The following ADAM2 variants were observed in gnomAD, a reference collection of about 807,000 sequenced individuals.
ADAM2 encodes the protein disintegrin and metalloproteinase domain-containing protein 2.
A neutral mutation model predicts 99.3 loss-of-function variants in ADAM2; 101 were observed. That is an observed-to-expected ratio of 1.02 (90% confidence interval 0.87 to 1.20). ADAM2 has a LOEUF of 1.20. Among genes scored for constraint, ADAM2 ranks in the 50% most tolerant of loss-of-function variants. The probability of loss-of-function intolerance (pLI) is 0.00; values close to 1 mark genes in which losing one functional copy is unlikely to be tolerated. For missense variants in ADAM2, 948 were observed against 878.7 expected, an observed-to-expected ratio of 1.08 and a Z score of -1.00; for synonymous variants, 323 against 287.6, an observed-to-expected ratio of 1.12 and a Z score of -1.25.
chr8:39,838,012 T>G (rs190335108), intron 1 of ADAM2, 119 bp downstream of exon 1: 3 of 1,104,426 alleles, frequency 2.7e-6, no homozygotes, highest in Non-Finnish European at 4.1e-6. Flanking sequence ...GAGCTTGGAA[T>G]TGCTGAGTTG....
rs373892733 is a variant in ADAM2 at position 39,820,898 on chromosome 8, T to C, written c.513+104A>G. 3.5e-4 allele frequency: 227 copies of C among 641,278 alleles called. 4 individuals are homozygous for C. The South Asian group carries it at 6.3e-3, about 18-fold the overall frequency. 39.7% of individuals were successfully genotyped at this position (641,278 alleles called of 1,614,324 possible). On this transcript the variant is annotated intron_variant, in intron 6 of 20. Transcript: ENST00000265708. ...GTATCCATACATGTGGCTATATGTT[T>C]TGGTGTTTATGGGTGTGTAAATATG...
At chr8:39,812,712 A>C (rs1804757280) in intron 6 of ADAM2, among the ~76,000 whole-genome samples, 2 of 152,220 alleles carry the variant, frequency 1.3e-5, no homozygotes, top group Admixed American at 1.3e-4. Flanking sequence ...AAAACTGGCT[A>C]GCCATATGTA....
At chr8:39,834,732 C>CAAAAAAAAAA (rs79431764) in intron 2 of ADAM2, among the ~76,000 whole-genome samples, 7 of 52,930 alleles carry the variant, frequency 1.3e-4, no homozygotes, top group African/African-American at 3.4e-4. Flanking sequence ...AAGACTCCAT[C>CAAAAAAAAAA]AAAAAAAAAA....
rs533283968 is a variant in ADAM2 at position 39,746,323 on chromosome 8, G to A, written c.2174+149C>T. 5.3e-6 allele frequency: 3 copies of A among 566,976 alleles called. No individual in the cohort carries two copies. In the East Asian group the frequency reaches 1.0e-4, roughly 19 times the overall value. 35.1% of individuals were successfully genotyped at this position (566,976 alleles called of 1,614,324 possible). ...ATGACAGGCGTGAGCCACCACCCCT[G>A]GCCATTAGTTATTAATATATGAGTT... On this transcript the variant is annotated intron_variant, in intron 19 of 20. Transcript: ENST00000265708.
intron 5 of ADAM2, among the ~76,000 whole-genome samples, 166 bp from the exon 6 acceptor site, chr8:39,821,336 C>T (rs1805179535): frequency 1.3e-5 from 2 of 152,154 alleles, no homozygotes; most frequent in African/African-American, 4.8e-5. Context: ...TACTGAGTGA[C>T]ACCGCATAGT....
chr8:39,767,011 G>A lies in ADAM2; in HGVS notation c.1344C>T (p.Ser448=), dbSNP rs764406494. 3.0e-5 allele frequency: 48 copies of A among 1,613,938 alleles called. No individual in the cohort carries two copies. The highest frequency in any genetic ancestry group is 4.0e-5 in the Non-Finnish European group (47 of 1,179,988). ...ATTCAGGGAGGTCGCATTCTTCAAA[G>A]GAAGGCCTACACATTCTTTCTTTTG... ...FMSKERMCRP[S]FEECDLPEYC... is the part of the protein sequence containing the mutation. Residue 448 remains serine, a synonymous_variant, in exon 14 of 21, where the codon TCC becomes TCT. Transcript: ENST00000265708.
intron 7 of ADAM2, among the ~76,000 whole-genome samples, chr8:39,794,709 CTCAA>C (rs1180665426): frequency 1.3e-5 from 2 of 152,064 alleles, no homozygotes; most frequent in African/African-American, 2.4e-5. Context: ...CCCCTGCTTG[CTCAA>C]TCAATCATGA....
intron 3 of ADAM2, among the ~76,000 whole-genome samples, chr8:39,833,634 A>C (rs1586169953): frequency 6.6e-6 from 1 of 152,244 alleles, no homozygotes; most frequent in South Asian, 2.1e-4. Context: ...TTGAATATAA[A>C]AGAACTTAAA....
intron 3 of ADAM2, among the ~76,000 whole-genome samples, chr8:39,828,393 T>C (rs1484733459): frequency 6.6e-6 from 1 of 151,762 alleles, no homozygotes; most frequent in Non-Finnish European, 1.5e-5. Flanking sequence ...AGAGTTGATA[T>C]GTTAACGTAG....
chr8:39,745,242 T>C (rs1049432599), intron 19 of ADAM2, among the ~76,000 whole-genome samples: 1 of 152,218 alleles, frequency 6.6e-6, no homozygotes, highest in African/African-American at 2.4e-5. Context: ...CTATGCTTTT[T>C]TCCCTGAAGA....
intron 3 of ADAM2, among the ~76,000 whole-genome samples, chr8:39,829,144 G>A (rs902815833): frequency 2.6e-5 from 4 of 151,798 alleles, no homozygotes; most frequent in African/African-American, 9.7e-5. Flanking sequence ...ACAAAGACCT[G>A]AATGGGAAAG....
In ADAM2 at chr8:39,749,353, C is replaced by G. The variant is rs551952956; in HGVS notation, c.1973G>C (p.Ser658Thr). The change falls in exon 18 of 21, where the codon AGT (serine) becomes ACT (threonine). Residue 658 changes from serine (S) to threonine (T), a missense_variant. Transcript: ENST00000265708. ...TATAGCTACAGGTGGAAAATTGCCA[C>G]TGTCAATACTCCCACCAGGCCATAG... ...SDLWPGGSID[S>T]GNFPPVAIPA... The G allele has an allele frequency of 1.1e-5, 18 of 1,612,928 alleles. No homozygotes were observed. In the Admixed American group the frequency reaches 2.8e-4, roughly 25 times the overall value.
chr8:39,812,027 C>T (rs1804723175), intron 6 of ADAM2, among the ~76,000 whole-genome samples: 1 of 152,130 alleles, frequency 6.6e-6, no homozygotes, highest in Admixed American at 6.5e-5. Context: ...ATTTAGAAAA[C>T]CCCATCATCT....
intron 3 of ADAM2, among the ~76,000 whole-genome samples, chr8:39,831,231 T>A (rs1805604119): frequency 6.7e-6 from 1 of 148,698 alleles, no homozygotes; most frequent in Admixed American, 6.7e-5. Context: ...AGAAATAGCA[T>A]CACATGCAGA....
At chr8:39,771,112 T>C (rs1802764257) in intron 11 of ADAM2, among the ~76,000 whole-genome samples, 1 of 152,220 alleles carries the variant, frequency 6.6e-6, no homozygotes, top group African/African-American at 2.4e-5. Flanking sequence ...ATTCTCCTCA[T>C]CAACCTCAAC....
At chr8:39,746,705 C>T (rs1345768724) in intron 18 of ADAM2, 74 bp from the exon 19 acceptor site, 16 of 1,139,698 alleles carry the variant, frequency 1.4e-5, no homozygotes, top group South Asian at 1.2e-4. Flanking sequence ...TATTTTACTA[C>T]GTCTACCAAA....
chr8:39,784,610 G>GA (rs1309790781), intron 10 of ADAM2, among the ~76,000 whole-genome samples: 1 of 152,148 alleles, frequency 6.6e-6, no homozygotes, highest in Non-Finnish European at 1.5e-5. Context: ...GCCCTGTAGA[G>GA]AAAATCAGTT....
intron 18 of ADAM2, 39 bp downstream of exon 18, chr8:39,749,273 T>A (rs1174458977): frequency 3.3e-6 from 5 of 1,519,810 alleles, no homozygotes; most frequent in Non-Finnish European, 4.5e-6. Flanking sequence ...AAATTCAAAT[T>A]ATGTTTTAAT....
At chr8:39,758,877 T>C (rs1023835238) in intron 15 of ADAM2, among the ~76,000 whole-genome samples, 1 of 151,920 alleles carries the variant, frequency 6.6e-6, no homozygotes, top group Non-Finnish European at 1.5e-5. Context: ...TTTTATCCTA[T>C]TAAATAAAAT....
Sources: allele counts gnomAD v4.1 joint callset (sites outside exome capture counted in the v4.1 genomes callset), GRCh38; gene constraint gnomAD v4.1.1; transcripts MANE v1.5; gene names NCBI Gene and HGNC (gene_info 2026-07-23, HGNC 2026-07-21).